The following CC2D1B variants were observed in gnomAD, a reference collection of about 807,000 sequenced individuals.
The protein encoded by CC2D1B is coiled-coil and C2 domain containing 1B.
In CC2D1B, 92 loss-of-function variants were observed where a neutral mutation model predicts 110.8. That is an observed-to-expected ratio of 0.83 (90% CI 0.70 to 0.99). CC2D1B has a LOEUF of 0.99. Among genes scored for constraint, CC2D1B ranks in the 50% least tolerant of loss-of-function variants. CC2D1B has a pLI of 0.00. For missense variants in CC2D1B, 1,136 were observed against 1,089.0 expected (o/e 1.04, Z -0.61); for synonymous variants, 406 against 429.2 (o/e 0.95, Z 0.67).
At position 52,357,114 on chromosome 1, in the gene CC2D1B, AG is replaced by A; in HGVS notation, c.1764del (p.Leu589Ter). On this transcript the variant is annotated frameshift_variant, in exon 16 of 25. Transcript: ENST00000284376. LOFTEE classifies it high-confidence loss of function. ...RPVDLSKVPS[P>X]LTDEEGDFIL... ...ATGAAGTCACCCTCCTCATCCGTCAAGGGCGAAGGCACCTACCCAGGTCACA... is the reference window on the plus strand; with the variant it reads ...ATGAAGTCACCCTCCTCATCCGTCAAGGCGAAGGCACCTACCCAGGTCACA... 1 of 1,613,952 alleles carries A rather than the reference AG, an allele frequency of 6.2e-7. No individual in the cohort carries two copies. Among genetic ancestry groups the A allele is most frequent in the Non-Finnish European group, 8.5e-7 (1 of 1,179,946 alleles).
chr1:52,365,611 T>C (rs918375606), intron 1 of CC2D1B, among the ~76,000 whole-genome samples: 12 of 152,176 alleles, frequency 7.9e-5, no homozygotes, highest in Admixed American at 7.9e-4. Flanking sequence ...CGAAAAGCGT[T>C]TGGGCATTAT....
chr1:52,360,683 G>A (rs2147895153), intron 5 of CC2D1B, 134 bp from the exon 6 acceptor site: 1 of 1,326,686 alleles, frequency 7.5e-7, no homozygotes, highest in South Asian at 1.5e-5. Flanking sequence ...CCTTAAGGCA[G>A]GAAGCAAAGG....
chr1:52,355,105 G>A (rs1646619295), intron 21 of CC2D1B, 166 bp from the exon 22 acceptor site: 1 of 645,082 alleles, frequency 1.6e-6, no homozygotes, highest in African/African-American at 1.8e-5. Context: ...TTGGAAGTGA[G>A]TTTTTGTACT....
chr1:52,365,060 G>C (rs1379570995), intron 1 of CC2D1B, among the ~76,000 whole-genome samples: 1 of 152,224 alleles, frequency 6.6e-6, no homozygotes, highest in Non-Finnish European at 1.5e-5. Context: ...AGCCATATGT[G>C]GTGAGGGGCT....
chr1:52,353,880 GCT>G (rs1219530684), intron 23 of CC2D1B: 2 of 439,122 alleles, frequency 4.6e-6, no homozygotes, highest in Non-Finnish European at 8.1e-6. Context: ...GCATCCTAGA[GCT>G]CTGTTCATTT....
Position 52,353,580 on chromosome 1 carries a change from CTCAG to C in CC2D1B, c.2494_2497del (p.Leu832ValfsTer38). On this transcript the variant is annotated frameshift_variant, in exon 24 of 25. Coordinates refer to ENST00000284376, the MANE Select transcript of CC2D1B (RefSeq NM_001330585.2). LOFTEE classifies it high-confidence loss of function. Reference sequence around the variant, plus strand: ...AGTGACCATCTGCACATCCTGGCCACTCAGAGGCTCCCGCAGCCTCACCTTCACC... The same window carrying C: ...AGTGACCATCTGCACATCCTGGCCACAGGCTCCCGCAGCCTCACCTTCACC... The C allele has an allele frequency of 6.2e-7, 1 of 1,614,004 alleles. No homozygotes were observed. Among genetic ancestry groups the C allele is most frequent in the Non-Finnish European group, 8.5e-7 (1 of 1,179,950 alleles).
chr1:52,361,108 C>T lies in CC2D1B; in HGVS notation c.343G>A (p.Val115Met), dbSNP rs112807054. The change falls in exon 5 of 25, where the codon GTG becomes ATG. Residue 115 changes from valine (V) to methionine (M), a missense_variant. Physicochemically the swap from Val to Met is conservative, Grantham distance 21. Coordinates refer to ENST00000284376, the MANE Select transcript of CC2D1B (RefSeq NM_001330585.2). ...TCCAGGGGCTCAGTCTCCTCGTCCA[C>T]ACCTAAGACCTCCTGCAGCTCCGTC... is the stretch of plus-strand genomic sequence containing the variant. Reference protein sequence around the residue: ...LLTELQEVLGVDEETEPLDGD... With the variant: ...LLTELQEVLGMDEETEPLDGD... 3.5e-5 allele frequency: 56 copies of T among 1,613,974 alleles called. No homozygotes were observed. The highest frequency in any genetic ancestry group is 4.6e-5 in the Non-Finnish European group (54 of 1,180,012).
At position 52,354,119 on chromosome 1, in the gene CC2D1B, T is replaced by A. The variant is rs564966022; in HGVS notation, c.2431-472A>T. ...TCAATTAGGGCACAAAGCAGTACAATAGGCCCAAGAAGTCCAACCACCCTC... is the reference window on the plus strand; with the variant it reads ...TCAATTAGGGCACAAAGCAGTACAAAAGGCCCAAGAAGTCCAACCACCCTC... On this transcript the variant is annotated intron_variant, in intron 23 of 24. Transcript: ENST00000284376. Among the ~76,000 whole-genome samples the A allele has an allele frequency of 2.6e-5, 4 of 152,228 alleles. No individual in the cohort carries two copies. In the East Asian group the frequency reaches 5.8e-4, roughly 22 times the overall value.
chr1:52,364,750 A>C (rs1646850348), intron 1 of CC2D1B, 116 bp from the exon 2 acceptor site: 1 of 552,602 alleles, frequency 1.8e-6, no homozygotes, highest in South Asian at 2.8e-5. Flanking sequence ...GCTGAACACC[A>C]AAGTATGGGT....
In CC2D1B at chr1:52,351,484, A is replaced by G. The variant is rs941896440; in HGVS notation, c.*1741T>C. 3 of 152,148 alleles carry G rather than the reference A, an allele frequency of 2.0e-5. No homozygotes were observed. The highest frequency in any genetic ancestry group is 4.4e-5 in the Non-Finnish European group (3 of 68,042). The allele number at this position is 152,148 out of a possible 1,614,324, so 9.4% of individuals were successfully genotyped here. On this transcript the variant is annotated 3_prime_UTR_variant, in exon 25 of 25. Transcript: ENST00000284376. ...CTTTGCTCTATAGGTCATCTTATGAAGGCTAATCACCCTCCTTTTCATTCT... is the reference window on the plus strand; with the variant it reads ...CTTTGCTCTATAGGTCATCTTATGAGGGCTAATCACCCTCCTTTTCATTCT...
intron 24 of CC2D1B, 54 bp downstream of exon 24, chr1:52,353,463 GT>G: frequency 6.4e-7 from 1 of 1,563,872 alleles, no homozygotes; most frequent in African/African-American, 1.4e-5. Context: ...GAGTTGAGTA[GT>G]TAGTTGAGTA....
At chr1:52,363,251 C>T (rs1057226586) in intron 2 of CC2D1B, among the ~76,000 whole-genome samples, 2 of 151,982 alleles carry the variant, frequency 1.3e-5, no homozygotes, top group Non-Finnish European at 2.9e-5. Flanking sequence ...AAAAATTAGC[C>T]GGGCGCGGTG....
intron 2 of CC2D1B, 44 bp downstream of exon 2, chr1:52,364,508 C>T (rs1442543218): frequency 2.1e-6 from 3 of 1,408,874 alleles, no homozygotes; most frequent in Non-Finnish European, 2.9e-6. Flanking sequence ...TAGGGACCCC[C>T]ATCCCCAAAC....
chr1:52,365,816 CG>C (rs1195471479), intron 1 of CC2D1B, among the ~76,000 whole-genome samples: 1 of 152,086 alleles, frequency 6.6e-6, no homozygotes, highest in Non-Finnish European at 1.5e-5. Context: ...GCGGGCGCTC[CG>C]GGGGACTCTG....
chr1:52,358,608 G>C (rs1646706720), intron 12 of CC2D1B, 78 bp downstream of exon 12: 3 of 1,569,290 alleles, frequency 1.9e-6, no homozygotes, highest in Non-Finnish European at 2.6e-6. Flanking sequence ...TGAGAAGTGG[G>C]AATCACTGGC....
At chr1:52,354,813 T>C (rs1569827525) in intron 22 of CC2D1B, 27 bp downstream of exon 22, 2 of 1,608,838 alleles carry the variant, frequency 1.2e-6, no homozygotes, top group Middle Eastern at 1.6e-4. Context: ...CCGGCCCGTG[T>C]GGCAGCATGA....
In CC2D1B at chr1:52,359,808, C is replaced by A. The variant is rs773805092; in HGVS notation, c.839G>T (p.Arg280Leu). ...TCTCTGTCGGGATGACAGCAGGGCC[C>A]GCGGGTCTGGGTCTAAGTCTGAAAC... ...QPVSDLDPDP[R>L]ALLSSRQREY... The change falls in exon 8 of 25, where the codon CGG becomes CTG. Residue 280 changes from arginine to leucine, a missense_variant. By Grantham distance (102) the Arg-to-Leu change is moderately radical. Transcript: ENST00000284376. The A allele has an allele frequency of 4.3e-6, 7 of 1,611,366 alleles. No homozygotes were observed. In the Admixed American group the frequency reaches 1.2e-4, roughly 27 times the overall value.
intron 21 of CC2D1B, 90 bp downstream of exon 21, chr1:52,355,308 G>T (rs1557541585): frequency 1.5e-6 from 2 of 1,354,806 alleles, no homozygotes; most frequent in Admixed American, 1.9e-5. Flanking sequence ...GGTGGATCAA[G>T]TAAGGGCATA....
intron 9 of CC2D1B, 45 bp from the exon 10 acceptor site, chr1:52,359,402 C>G (rs1432138215): frequency 6.2e-7 from 1 of 1,609,592 alleles, no homozygotes; most frequent in African/African-American, 1.3e-5. Context: ...GCCTGGCCAG[C>G]CCCAGGCCTG....
Sources: gnomAD v4.1 joint callset for allele counts (sites outside exome capture counted in the v4.1 genomes callset) on GRCh38, gnomAD v4.1.1 for gene constraint, MANE v1.5 for transcripts, NCBI Gene and HGNC (gene_info 2026-07-23, HGNC 2026-07-21) for gene names.